Variants in BEST3 observed in about 807,000 individuals in gnomAD.
BEST3 encodes the protein bestrophin 3, also known as bestrophin-3.
In BEST3, 50 loss-of-function variants were observed where a neutral mutation model predicts 47.1. That is an observed-to-expected ratio of 1.06 (90% CI 0.85 to 1.34). BEST3 has a LOEUF of 1.34. BEST3 is among the 40% of genes most tolerant of loss of function. The pLI is 0.00. For missense variants in BEST3, 765 were observed against 817.0 expected, an observed-to-expected ratio of 0.94 and a Z score of 0.78; for synonymous variants, 282 against 298.8, an observed-to-expected ratio of 0.94 and a Z score of 0.58.
At chr12:69,675,077 T>C (rs540159641) in intron 7 of BEST3, among the ~76,000 whole-genome samples, 1 of 151,474 alleles carries the variant, frequency 6.6e-6, no homozygotes, top group South Asian at 2.1e-4. Flanking sequence ...TGCCTATCCT[T>C]TAATGGAGCT....
At chr12:69,693,980 A>G in intron 3 of BEST3, 73 bp from the exon 4 acceptor site, 1 of 1,172,168 alleles carries the variant, frequency 8.5e-7, no homozygotes. Flanking sequence ...CTTTTAGCTG[A>G]ATTTTAGCCT....
chr12:69,662,429 T>G (rs190541480), intron 9 of BEST3, among the ~76,000 whole-genome samples: 2 of 152,182 alleles, frequency 1.3e-5, no homozygotes, highest in Non-Finnish European at 2.9e-5. Flanking sequence ...TTTAATAAAG[T>G]CTTCACTTAC....
chr12:69,655,397 GT>G lies in BEST3; in HGVS notation c.1516del (p.Thr506GlnfsTer22). The part of the protein sequence containing the change: ...KMPLVPEVLI[T>X]AAEAPVPTSG... ...TGTGGGCACTGGTGCTTCGGCTGCT[GT>G]GATCAATACCTCAGGTACCAGTGGC... On this transcript the variant is annotated frameshift_variant, in exon 10 of 10. Coordinates refer to ENST00000330891, the MANE Select transcript of BEST3 (RefSeq NM_032735.3). LOFTEE classifies it low-confidence loss of function (END_TRUNC). The G allele has an allele frequency of 1.9e-6, 3 of 1,614,160 alleles. No individual in the cohort carries two copies. The highest frequency in any genetic ancestry group is 1.7e-6 in the Non-Finnish European group (2 of 1,180,024).
At chr12:69,647,281 C>T (rs1488499456) in intron 9 of BEST3, among the ~76,000 whole-genome samples, 3 of 152,158 alleles carry the variant, frequency 2.0e-5, no homozygotes. Context: ...ACAACAGCTC[C>T]TTAAGTAGCA....
chr12:69,663,923 A>G (rs1234684201), intron 9 of BEST3, among the ~76,000 whole-genome samples: 2 of 152,344 alleles, frequency 1.3e-5, no homozygotes, highest in African/African-American at 2.4e-5. Flanking sequence ...AACAGAGTCA[A>G]CTGAAGGGAT....
intron 9 of BEST3, among the ~76,000 whole-genome samples, chr12:69,656,319 C>T (rs1393957389): frequency 6.6e-6 from 1 of 152,032 alleles, no homozygotes; most frequent in African/African-American, 2.4e-5. Flanking sequence ...AATCACCGAT[C>T]TAGAGACTTG....
In BEST3 at chr12:69,676,951, G is replaced by A. The variant is rs763747167; in HGVS notation, c.832C>T (p.Leu278Phe). The change falls in exon 7 of 10, where the codon CTC (leucine) becomes TTC (phenylalanine). Residue 278 changes from leucine (L) to phenylalanine (F), a missense_variant. By Grantham distance (22) the Leu-to-Phe change is conservative. Coordinates refer to ENST00000330891, the MANE Select transcript of BEST3 (RefSeq NM_032735.3). Reference protein sequence around the residue: ...DLDLYIPIFTLLQFFFYAGWL... With the variant: ...DLDLYIPIFTFLQFFFYAGWL... ...CCTGCATAGAAGAAGAATTGTAGGA[G>A]GGTGAAGATGGGAATGTAAAGATCC... 1 of 1,613,920 alleles carries A rather than the reference G, an allele frequency of 6.2e-7. No individual in the cohort carries two copies. The highest frequency in any genetic ancestry group is 1.3e-5 in the African/African-American group (1 of 74,922).
downstream of BEST3, among the ~76,000 whole-genome samples, chr12:69,648,887 TAC>T (rs1488972176): frequency 2.6e-5 from 4 of 152,182 alleles, no homozygotes; most frequent in Non-Finnish European, 4.4e-5. Flanking sequence ...GTCTAGAAGA[TAC>T]AGTTTGTTCA....
chr12:69,671,654 GA>G, intron 8 of BEST3, 75 bp from the exon 9 acceptor site: 2 of 1,416,186 alleles, frequency 1.4e-6, no homozygotes, highest in Non-Finnish European at 2.0e-6. Flanking sequence ...TTGGGCAGAT[GA>G]GAGTTAGATT....
intron 7 of BEST3, among the ~76,000 whole-genome samples, chr12:69,674,275 G>A (rs942808883): frequency 6.6e-6 from 1 of 152,116 alleles, no homozygotes; most frequent in Admixed American, 6.6e-5. Flanking sequence ...TTAATACTTA[G>A]AGCAGTGTTT....
At chr12:69,648,875 A>G (rs1452620362), downstream of BEST3, among the ~76,000 whole-genome samples, 3 of 152,224 alleles carry the variant, frequency 2.0e-5, no homozygotes, top group African/African-American at 4.8e-5. Context: ...ACCAAATTAC[A>G]TGTCTAGAAG....
intron 9 of BEST3, among the ~76,000 whole-genome samples, chr12:69,656,236 A>G (rs1471453766): frequency 6.6e-6 from 1 of 152,166 alleles, no homozygotes; most frequent in African/African-American, 2.4e-5. Flanking sequence ...GCTATTATGA[A>G]AACATTTTTG....
At chr12:69,675,585 T>G (rs187605444) in intron 7 of BEST3, among the ~76,000 whole-genome samples, 9 of 152,304 alleles carry the variant, frequency 5.9e-5, no homozygotes, top group Admixed American at 4.6e-4. Context: ...TTTTTGAGAA[T>G]GATTATTTGG....
rs1028794183 is a variant in BEST3, at chr12:69,654,823, C to T, written c.*84G>A. On this transcript the variant is annotated 3_prime_UTR_variant, in exon 10 of 10. Coordinates refer to ENST00000330891, the MANE Select transcript of BEST3 (RefSeq NM_032735.3). ...CATGTTTTTTAAAAAGTCGACCAGCCTTCAGGTATGTCCTGGGCCTAATAT... is the reference window on the plus strand; with the variant it reads ...CATGTTTTTTAAAAAGTCGACCAGCTTTCAGGTATGTCCTGGGCCTAATAT... The T allele has an allele frequency of 5.0e-5, 76 of 1,511,232 alleles. No homozygotes were observed. The African/African-American group carries it at 8.4e-4, about 17-fold the overall frequency. The allele number at this position is 1,511,232 out of a possible 1,614,324, so 93.6% of individuals were successfully genotyped here.
At chr12:69,694,761 A>ACCT (rs1287998940) in intron 2 of BEST3, among the ~76,000 whole-genome samples, 1 of 152,212 alleles carries the variant, frequency 6.6e-6, no homozygotes, top group African/African-American at 2.4e-5. Context: ...GATTTAGAGC[A>ACCT]AGGTATGTTA....
intron 9 of BEST3, among the ~76,000 whole-genome samples, chr12:69,656,084 G>C (rs560016292): frequency 5.9e-5 from 9 of 152,214 alleles, no homozygotes; most frequent in Middle Eastern, 6.8e-3. Flanking sequence ...TATAACTGTG[G>C]AATGTCTGAA....
intron 9 of BEST3, among the ~76,000 whole-genome samples, chr12:69,668,983 A>T (rs1826733722): frequency 6.6e-6 from 1 of 152,186 alleles, no homozygotes. Context: ...AGAGAAAAGC[A>T]GACCTGAGAG....
intron 4 of BEST3, chr12:69,687,291 A>T (rs1023956706): frequency 1.3e-5 from 2 of 152,192 alleles, no homozygotes; most frequent in South Asian, 4.1e-4. Context: ...GTGGAGTCTC[A>T]TCAGGCTCCC....
intron 9 of BEST3, among the ~76,000 whole-genome samples, chr12:69,658,545 G>A (rs570059504): frequency 1.2e-4 from 18 of 152,250 alleles, no homozygotes; most frequent in Admixed American, 6.5e-4. Flanking sequence ...TTATTCACCC[G>A]ACTAAATTTA....
Sources: allele counts gnomAD v4.1 joint callset (sites outside exome capture counted in the v4.1 genomes callset), GRCh38; gene constraint gnomAD v4.1.1; transcripts MANE v1.5; gene names NCBI Gene and HGNC (gene_info 2026-07-23, HGNC 2026-07-21).